Variants in TPO observed in about 807,000 individuals in gnomAD.
TPO encodes the protein thyroid peroxidase.
TPO carries 78 observed loss-of-function variants against 96.9 expected under a neutral mutation model. That is an observed-to-expected ratio of 0.81 (90% CI 0.67 to 0.97). The LOEUF is 0.97. TPO is among the 50% of genes least tolerant of loss of function. The pLI is 0.00. For synonymous variants in TPO, 547 were observed against 538.0 expected (o/e 1.02, Z -0.23); for missense variants, 1,252 against 1,274.8 (o/e 0.98, Z 0.27).
At chr2:1,536,605 C>T (rs1218668590) in intron 15 of TPO, among the ~76,000 whole-genome samples, 2 of 71,144 alleles carry the variant, frequency 2.8e-5, no homozygotes, top group Non-Finnish European at 5.8e-5. Context: ...TGTGCATTCT[C>T]CTCAAATGCC....
At chr2:1,478,078 G>C in intron 8 of TPO, 15 of 985,458 alleles carry the variant, frequency 1.5e-5, no homozygotes, top group Non-Finnish European at 1.8e-5. Flanking sequence ...GTATTTCAGA[G>C]ACAGTGCAGT....
At chr2:1,460,694 G>C (rs1668346065) in intron 7 of TPO, among the ~76,000 whole-genome samples, 1 of 152,234 alleles carries the variant, frequency 6.6e-6, no homozygotes. Context: ...TGTTATTGCT[G>C]TGTTGCTGGA....
chr2:1,445,295 G>A (rs1173946146), intron 5 of TPO, among the ~76,000 whole-genome samples: 1 of 123,376 alleles, frequency 8.1e-6, no homozygotes, highest in Non-Finnish European at 1.7e-5. Flanking sequence ...CATGTTGGAA[G>A]GGAATGGGCA....
intron 9 of TPO, among the ~76,000 whole-genome samples, chr2:1,486,311 C>T (rs1016282673): frequency 5.3e-5 from 8 of 152,038 alleles, no homozygotes; most frequent in East Asian, 3.9e-4. Flanking sequence ...CACTTGAGGT[C>T]GGGAGTTTGA....
chr2:1,537,608 C>T (rs1573663654), intron 15 of TPO, among the ~76,000 whole-genome samples: 1 of 111,064 alleles, frequency 9.0e-6, no homozygotes, highest in Non-Finnish European at 1.8e-5. Flanking sequence ...TGTGCAAACT[C>T]CTCAAATCAC....
intron 1 of TPO, among the ~76,000 whole-genome samples, chr2:1,377,013 G>A (rs2148336885): frequency 6.6e-6 from 1 of 152,290 alleles, no homozygotes; most frequent in South Asian, 2.1e-4. Context: ...AATTTGGCTA[G>A]GGAAAAGGAT....
chr2:1,404,897 C>T (rs930637567), intron 1 of TPO, among the ~76,000 whole-genome samples: 19 of 152,160 alleles, frequency 1.2e-4, no homozygotes, highest in Admixed American at 7.2e-4. Flanking sequence ...AATTTTATAG[C>T]GCTGGTTATT....
intron 1 of TPO, among the ~76,000 whole-genome samples, chr2:1,379,623 G>A (rs762123760): frequency 5.3e-5 from 8 of 152,088 alleles, no homozygotes; most frequent in South Asian, 2.1e-4. Context: ...CCAGGGCGTC[G>A]GTATAGCTCA....
chr2:1,388,312 A>T (rs1184714917), intron 1 of TPO, among the ~76,000 whole-genome samples: 1 of 152,152 alleles, frequency 6.6e-6, no homozygotes, highest in Non-Finnish European at 1.5e-5. Flanking sequence ...CCAGAGGTGG[A>T]GTCTACAGAG....
At chr2:1,507,188 AGTT>A (rs1217034475) in intron 14 of TPO, among the ~76,000 whole-genome samples, 2 of 152,176 alleles carry the variant, frequency 1.3e-5, no homozygotes, top group Non-Finnish European at 1.5e-5. Flanking sequence ...AAGATCAGAT[AGTT>A]GTAGATATGT....
intron 1 of TPO, among the ~76,000 whole-genome samples, chr2:1,377,271 G>A (rs543980506): frequency 4.1e-4 from 62 of 152,234 alleles, no homozygotes; most frequent in Admixed American, 2.7e-3. Flanking sequence ...GAAGAAAGTC[G>A]TATGCATTGG....
intron 15 of TPO, among the ~76,000 whole-genome samples, chr2:1,537,731 C>T (rs1171445124): frequency 7.5e-6 from 1 of 133,798 alleles, no homozygotes; most frequent in East Asian, 2.1e-4. Context: ...CCAAATCCCC[C>T]AACTGTCTGC....
chr2:1,536,908 T>A, intron 15 of TPO, among the ~76,000 whole-genome samples: 3 of 108,240 alleles, frequency 2.8e-5, no homozygotes, highest in East Asian at 3.1e-4. Context: ...AAATCCCAAC[T>A]GTTTGCAACC....
rs1156741715 is a variant in TPO at position 1,496,622 on chromosome 2, TG to T, written c.2245del (p.Glu749ArgfsTer49). Reference sequence around the variant, plus strand: ...GACAAGTGTGGCTTCCCAGAGAGCGTGGAGAATGGGGACTTTGTGCACTGTG... The same window carrying T: ...GACAAGTGTGGCTTCCCAGAGAGCGTGAGAATGGGGACTTTGTGCACTGTG... The part of the protein sequence containing the change: ...QDDKCGFPES[V>X]ENGDFVHCEE... On this transcript the variant is annotated frameshift_variant, in exon 13 of 17. Transcript: ENST00000329066. LOFTEE classifies it high-confidence loss of function. The T allele has an allele frequency of 6.2e-7, 1 of 1,613,902 alleles. No homozygotes were observed. The highest frequency in any genetic ancestry group is 1.7e-5 in the Admixed American group (1 of 59,996).
rs185543428 is a variant in TPO, at chr2:1,387,342, G to A, written n.180+12940G>A. ...GTTCCATTGTCCCCATCACTTTCAGGTACACCAATCAGACATAGATTTGGT... is the reference window on the plus strand; with the variant it reads ...GTTCCATTGTCCCCATCACTTTCAGATACACCAATCAGACATAGATTTGGT... On this transcript the variant is annotated intron_variant and non_coding_transcript_variant, in intron 1 of 5. Transcript: ENST00000497517. Among the ~76,000 whole-genome samples, 375 of 152,258 alleles carry A rather than the reference G, an allele frequency of 2.5e-3. 2 individuals are homozygous for A. Among genetic ancestry groups the A allele is most frequent in the Middle Eastern group, 0.01 (3 of 294 alleles).
At chr2:1,452,700 CAATT>C (rs950285159) in intron 5 of TPO, among the ~76,000 whole-genome samples, 24 of 152,196 alleles carry the variant, frequency 1.6e-4, no homozygotes, top group Admixed American at 7.2e-4. Context: ...TATCAGCAAT[CAATT>C]CAATAACATT....
chr2:1,542,236 CAAGCATTTGTCCGG>C, intron 16 of TPO, 171 bp from the exon 17 acceptor site: 1 of 784,752 alleles, frequency 1.3e-6, no homozygotes, highest in East Asian at 2.7e-5. Flanking sequence ...CTCCTGCAAA[CAAGCATTTGTCCGG>C]AAGCCAGAAA....
intron 14 of TPO, among the ~76,000 whole-genome samples, chr2:1,507,863 G>A (rs1673646409): frequency 6.6e-6 from 1 of 152,116 alleles, no homozygotes; most frequent in Non-Finnish European, 1.5e-5. Context: ...TTTCCTAATT[G>A]AATACCCTTT....
chr2:1,425,523 A>G (rs1340371292), intron 3 of TPO, among the ~76,000 whole-genome samples: 1 of 151,880 alleles, frequency 6.6e-6, no homozygotes, highest in Non-Finnish European at 1.5e-5. Flanking sequence ...TCATCGTTCT[A>G]GATGCCGGGA....
Sources: allele counts gnomAD v4.1 joint callset (sites outside exome capture counted in the v4.1 genomes callset), GRCh38; gene constraint gnomAD v4.1.1; transcripts MANE v1.5; gene names NCBI Gene and HGNC (gene_info 2026-07-23, HGNC 2026-07-21).